The following ROR1 variants were observed in gnomAD, a reference collection of about 807,000 sequenced individuals.
The protein encoded by ROR1 is ROR family WNT receptor 1.
A neutral mutation model predicts 78.8 loss-of-function variants in ROR1; 19 were observed. The ratio of observed to expected loss-of-function variants is 0.24; its 90% CI spans 0.17 to 0.35. The LOEUF (loss-of-function observed/expected upper bound fraction) is 0.35, where lower values mean the gene tolerates loss of function less well. Ranked by LOEUF, ROR1 falls within the 10% of genes least tolerant of loss-of-function variation. The pLI is 1.00. For missense variants in ROR1, 917 were observed against 1,177.8 expected, an observed-to-expected ratio of 0.78 and a Z score of 3.24; for synonymous variants, 386 against 433.6, an observed-to-expected ratio of 0.89 and a Z score of 1.36.
At chr1:63,918,610 TA>T (rs961062536) in intron 1 of ROR1, among the ~76,000 whole-genome samples, 1 of 152,234 alleles carries the variant, frequency 6.6e-6, no homozygotes, top group Non-Finnish European at 1.5e-5. Context: ...AGGAGCTTGG[TA>T]AAAACTTACT....
chr1:63,916,954 T>C lies in ROR1; in HGVS notation c.92-92351T>C, dbSNP rs944019388. On this transcript the variant is annotated intron_variant, in intron 1 of 8. Transcript: ENST00000371079. ...ACTTTCAGTTCCTAGACTGTTACTG[T>C]GCAGGGTCCAGCCTCAGGGCCTTTG... is the stretch of plus-strand genomic sequence containing the variant. 3.9e-5 allele frequency among the ~76,000 whole-genome samples: 6 copies of C among 152,254 alleles called. 1 individual carries two copies. The highest frequency in any genetic ancestry group is 1.3e-4 in the Admixed American group (2 of 15,280).
chr1:64,046,401 T>C (rs1646783551), intron 2 of ROR1, among the ~76,000 whole-genome samples: 1 of 152,246 alleles, frequency 6.6e-6, no homozygotes. Flanking sequence ...AAGGCTCCTT[T>C]GTTCAGTAAA....
intron 1 of ROR1, among the ~76,000 whole-genome samples, chr1:64,008,558 G>T (rs1342328611): frequency 6.6e-6 from 1 of 152,122 alleles, no homozygotes; most frequent in Non-Finnish European, 1.5e-5. Context: ...CACAGTGGTG[G>T]AACTAATTTA....
chr1:63,815,793 G>A (rs773444066), intron 1 of ROR1, among the ~76,000 whole-genome samples: 15 of 152,012 alleles, frequency 9.9e-5, no homozygotes, highest in Admixed American at 3.9e-4. Flanking sequence ...GTGGGGAACC[G>A]CCATGAATTA....
intron 1 of ROR1, among the ~76,000 whole-genome samples, chr1:63,817,267 C>A (rs1157325634): frequency 6.6e-6 from 1 of 152,098 alleles, no homozygotes; most frequent in South Asian, 2.1e-4. Context: ...GATGTCAACG[C>A]CCCGTGGTCT....
intron 1 of ROR1, among the ~76,000 whole-genome samples, chr1:63,916,556 A>T (rs1645611045): frequency 1.3e-5 from 2 of 152,224 alleles, no homozygotes; most frequent in South Asian, 4.1e-4. Flanking sequence ...AGGTTTTGAG[A>T]TAAAATAGAG....
chr1:63,859,227 C>T (rs1557531001), intron 1 of ROR1, among the ~76,000 whole-genome samples: 1 of 152,088 alleles, frequency 6.6e-6, no homozygotes, highest in Non-Finnish European at 1.5e-5. Flanking sequence ...TGGTGTTGAG[C>T]GCTTTTAAGT....
At position 63,974,568 on chromosome 1, in the gene ROR1, A is replaced by G. The variant is rs140273280; in HGVS notation, c.92-34737A>G. ...AGCAATTCTTCTGCCTCAGCCTCCA[A>G]TATGAGTTTTTAATGTGGACATTAC... On this transcript the variant is annotated intron_variant, in intron 1 of 8. Coordinates refer to ENST00000371079, the MANE Select transcript of ROR1 (RefSeq NM_005012.4). 1.3e-3 allele frequency among the ~76,000 whole-genome samples: 197 copies of G among 152,128 alleles called. 3 individuals carry two copies. Among genetic ancestry groups the G allele is most frequent in the Non-Finnish European group, 5.7e-4 (39 of 67,998 alleles).
chr1:64,066,172 C>T (rs2100611343), intron 4 of ROR1, among the ~76,000 whole-genome samples: 1 of 152,218 alleles, frequency 6.6e-6, no homozygotes, highest in South Asian at 2.1e-4. Flanking sequence ...GGGTAGCTGT[C>T]CTATGTGCTT....
chr1:64,009,239 C>A, intron 1 of ROR1, 66 bp from the exon 2 acceptor site: 2 of 1,205,512 alleles, frequency 1.7e-6, no homozygotes, highest in Non-Finnish European at 2.5e-6. Flanking sequence ...ATGCTTCTAA[C>A]AGCCTATAAA....
At chr1:63,941,859 C>G (rs911594060) in intron 1 of ROR1, among the ~76,000 whole-genome samples, 21 of 152,296 alleles carry the variant, frequency 1.4e-4, no homozygotes, top group African/African-American at 5.1e-4. Context: ...CTGACACTTA[C>G]ATAGTACTCC....
At chr1:63,871,230 A>G (rs762790949) in intron 1 of ROR1, among the ~76,000 whole-genome samples, 2 of 152,206 alleles carry the variant, frequency 1.3e-5, no homozygotes, top group Non-Finnish European at 2.9e-5. Flanking sequence ...TATGAAAAGG[A>G]GACAGTTCTG....
chr1:64,033,430 G>A (rs1646676862), intron 2 of ROR1, among the ~76,000 whole-genome samples: 1 of 152,088 alleles, frequency 6.6e-6, no homozygotes, highest in South Asian at 2.1e-4. Flanking sequence ...TAGAACCCAG[G>A]ACTTCTGACA....
rs191378018 is a variant in ROR1 at position 64,017,083 on chromosome 1, T to A, written c.163+7707T>A. Among the ~76,000 whole-genome samples the A allele has an allele frequency of 2.0e-3, 300 of 152,046 alleles. 1 individual carries two copies. The highest frequency in any genetic ancestry group is 6.8e-3 in the African/African-American group (282 of 41,482). On this transcript the variant is annotated intron_variant, in intron 2 of 8. Transcript: ENST00000371079. ...AGGTGCACCATGTCCAGCTAATTTT[T>A]GTATTTAGAGACGGGGTCTCACCAT... is the stretch of plus-strand genomic sequence containing the variant.
At position 64,050,701 on chromosome 1, in the gene ROR1, C is replaced by A; in HGVS notation, c.467C>A (p.Ala156Glu). 1 of 1,613,924 alleles carries A rather than the reference C, an allele frequency of 6.2e-7. No homozygotes were observed. The highest frequency in any genetic ancestry group is 8.5e-7 in the Non-Finnish European group (1 of 1,179,842). ...LFVKFGPPPT[A>E]SPGYSDEYEE... is the part of the protein sequence containing the mutation. ...ATTTCTTCAGGCCCCCCTCCCACTGCAAGTCCAGGATACTCGTAAGTACTT... is the reference window on the plus strand; with the variant it reads ...ATTTCTTCAGGCCCCCCTCCCACTGAAAGTCCAGGATACTCGTAAGTACTT... The change falls in exon 4 of 9, where the codon GCA becomes GAA. Residue 156 changes from alanine (A) to glutamate (E), a missense_variant. Ala to Glu is a moderately radical substitution (Grantham distance 107). Around this residue, in one of 3 missense-constraint regions of ROR1, gnomAD observed 835 missense variants for 1,069.8 expected, o/e 0.78. Transcript: ENST00000371079.
Position 64,140,431 on chromosome 1 carries a change from G to T in ROR1, c.928+5G>T. 1 of 1,611,802 alleles carries T rather than the reference G, an allele frequency of 6.2e-7. No individual in the cohort carries two copies. Among genetic ancestry groups the T allele is most frequent in the Non-Finnish European group, 8.5e-7 (1 of 1,178,198 alleles). ...TGGCAGATCCTATAAATAAAAGTAA[G>T]TGGTAGCCCCTGACCTTCTGTGCTC... On this transcript the variant is annotated splice_donor_5th_base_variant and intron_variant, in intron 6 of 8. Transcript: ENST00000371079.
intron 2 of ROR1, among the ~76,000 whole-genome samples, chr1:64,034,671 G>A (rs547531349): frequency 2.0e-5 from 3 of 152,102 alleles, no homozygotes; most frequent in South Asian, 2.1e-4. Context: ...CTACCAAGAA[G>A]TGCCTTCTTC....
intron 1 of ROR1, among the ~76,000 whole-genome samples, chr1:63,814,826 G>A (rs1644880625): frequency 6.6e-6 from 1 of 152,136 alleles, no homozygotes; most frequent in South Asian, 2.1e-4. Flanking sequence ...CTCCTGCTGT[G>A]CAGCCAGGTT....
At chr1:64,036,599 T>C (rs1433600091) in intron 2 of ROR1, among the ~76,000 whole-genome samples, 3 of 152,214 alleles carry the variant, frequency 2.0e-5, no homozygotes, top group African/African-American at 4.8e-5. Flanking sequence ...GTGTAAGTCA[T>C]TGCTTTTACT....
Sources: gnomAD v4.1 joint callset for allele counts (sites outside exome capture counted in the v4.1 genomes callset) on GRCh38, gnomAD v4.1.1 for gene constraint, gnomAD v4.1.1 regional missense constraint, MANE v1.5 for transcripts, NCBI Gene and HGNC (gene_info 2026-07-23, HGNC 2026-07-21) for gene names.